FANCI: variants seen among roughly 807,000 people sequenced by gnomAD.
FANCI encodes Fanconi anemia group I protein.
A neutral mutation model predicts 176.1 loss-of-function variants in FANCI; 156 were observed. The ratio of observed to expected loss-of-function variants is 0.89; its 90% CI spans 0.78 to 1.01. The LOEUF (loss-of-function observed/expected upper bound fraction) is 1.01. Among genes scored for constraint, FANCI ranks in the 50% least tolerant of loss-of-function variants. The pLI is 0.00. For synonymous variants in FANCI, 613 were observed against 541.7 expected, an observed-to-expected ratio of 1.13 and a Z score of -1.83; for missense variants, 1,678 against 1,534.1, an observed-to-expected ratio of 1.09 and a Z score of -1.57.
intron 9 of FANCI, among the ~76,000 whole-genome samples, chr15:89,265,211 T>C (rs1255157925): frequency 2.0e-5 from 3 of 152,080 alleles, no homozygotes; most frequent in Non-Finnish European, 1.5e-5. Flanking sequence ...TTTTGTTTCA[T>C]TTTGTTTTGT....
chr15:89,287,807 C>T (rs78552480), intron 18 of FANCI, among the ~76,000 whole-genome samples: 1 of 152,088 alleles, frequency 6.6e-6, no homozygotes, highest in Non-Finnish European at 1.5e-5. Context: ...GATGATGGCC[C>T]AGTCAGTGGA....
intron 2 of FANCI, among the ~76,000 whole-genome samples, chr15:89,250,712 TAA>T (rs2052208582): frequency 6.7e-6 from 1 of 149,474 alleles, no homozygotes; most frequent in African/African-American, 2.4e-5. Flanking sequence ...TATATATATA[TAA>T]AAATAAAAAA....
chr15:89,258,662 A>G (rs1412487441), intron 2 of FANCI, 42 bp from the exon 3 acceptor site: 3 of 1,480,926 alleles, frequency 2.0e-6, no homozygotes, highest in Non-Finnish European at 1.9e-6. Flanking sequence ...ATTGGGGTAA[A>G]AGACTGTTGC....
At chr15:89,300,719 A>T (rs2238304) in intron 26 of FANCI, among the ~76,000 whole-genome samples, 85,562 of 152,064 alleles carry the variant, frequency 0.56, 25,892 homozygotes, top group African/African-American at 0.81. Flanking sequence ...TCTGACAGAC[A>T]ACGTAAACAC....
chr15:89,283,343 G>A, intron 17 of FANCI, 93 bp downstream of exon 17: 1 of 1,577,854 alleles, frequency 6.3e-7, no homozygotes, highest in Non-Finnish European at 8.6e-7. Context: ...TGTTATGGTT[G>A]TAAGAATGAT....
chr15:89,261,977 C>A, intron 6 of FANCI, 99 bp downstream of exon 6: 1 of 1,054,758 alleles, frequency 9.5e-7, no homozygotes, highest in Non-Finnish European at 1.4e-6. Flanking sequence ...TTAAGTCCTT[C>A]TTTTTTGTTG....
Position 89,263,977 on chromosome 15 carries a change from T to A in FANCI, c.620T>A (p.Leu207His), listed in dbSNP as rs765227166. The A allele has an allele frequency of 6.2e-7, 1 of 1,614,080 alleles. No individual in the cohort carries two copies. The highest frequency in any genetic ancestry group is 1.7e-5 in the Admixed American group (1 of 60,020). Reference sequence around the variant, plus strand: ...TTGAGCATGTTCTCCAAGATGAATCTTCAAGAAATACCACCTTTGGTCTAT... The same window carrying A: ...TTGAGCATGTTCTCCAAGATGAATCATCAAGAAATACCACCTTTGGTCTAT... ...KALSMFSKMN[L>H]QEIPPLVYQL... The change falls in exon 8 of 38, where the codon CTT (leucine) becomes CAT (histidine). Residue 207 changes from leucine to histidine, a missense_variant. Leu to His is a moderately conservative substitution (Grantham distance 99). Transcript: ENST00000310775.
At chr15:89,279,740 A>C (rs2053544005) in intron 14 of FANCI, among the ~76,000 whole-genome samples, 2 of 152,018 alleles carry the variant, frequency 1.3e-5, no homozygotes, top group South Asian at 4.1e-4. Flanking sequence ...GGCTGGAATT[A>C]CCTTTTATTT....
In FANCI at chr15:89,263,800, A is replaced by T. The variant is rs1029781353; in HGVS notation, c.546-103A>T. 10 of 1,358,200 alleles carry T rather than the reference A, an allele frequency of 7.4e-6. No homozygotes were observed. The Admixed American group carries it at 1.1e-4, about 15-fold the overall frequency. The allele number at this position is 1,358,200 out of a possible 1,614,324, so 84.1% of individuals were successfully genotyped here. A position where few individuals can be genotyped will look rare whatever the true frequency, so the allele number is the denominator to read the frequency against. On this transcript the variant is annotated intron_variant, in intron 7 of 37. Transcript: ENST00000310775. ...TCTGCTCCCAAGTTTCATTTCTTAA[A>T]ATATGTTTAATGGAATTTTAACCAC...
chr15:89,245,828 TCA>T (rs2051941821), intron 1 of FANCI: 1 of 152,226 alleles, frequency 6.6e-6, no homozygotes, highest in Non-Finnish European at 1.5e-5. Context: ...GGAAGATAAG[TCA>T]CATAATCAGG....
chr15:89,314,643 C>G lies in FANCI; in HGVS notation c.3752C>G (p.Pro1251Arg). 1 of 1,614,150 alleles carries G rather than the reference C, an allele frequency of 6.2e-7. No individual in the cohort carries two copies. Among genetic ancestry groups the G allele is most frequent in the Non-Finnish European group, 8.5e-7 (1 of 1,180,002 alleles). Residue 1251 changes from proline to arginine, a missense_variant, in exon 36 of 38, where the codon CCT (proline) becomes CGT (arginine). By Grantham distance (103) the Pro-to-Arg change is moderately radical. Transcript: ENST00000310775. ...ARVLRETKPI[P>R]NLIFAIEQYE... ...GTTCTTCGGGAAACCAAGCCAATCC[C>G]TAACCTCATCTTTGCCATAGAACAG...
chr15:89,315,311 C>T lies in FANCI; in HGVS notation c.3846C>T (p.Ser1282=), dbSNP rs34557339. The T allele has an allele frequency of 2.0e-3, 3,300 of 1,613,740 alleles. 53 individuals carry two copies. The African/African-American group carries it at 0.039, about 19-fold the overall frequency. ...ACCTGATGCAGCACATGAAGCTCAG[C>T]ACCTCACGAGACTTCAAGATCAAAG... The part of the protein sequence containing the change: ...KVNLMQHMKL[S]TSRDFKIKGN... Residue 1282 remains serine, a synonymous_variant, in exon 37 of 38, where the codon AGC becomes AGT. Coordinates refer to ENST00000310775, the MANE Select transcript of FANCI (RefSeq NM_001113378.2).
intron 11 of FANCI, among the ~76,000 whole-genome samples, chr15:89,273,842 C>G (rs570031320): frequency 6.6e-6 from 1 of 152,290 alleles, no homozygotes; most frequent in African/African-American, 2.4e-5. Flanking sequence ...ATGAAATTTA[C>G]AATTTTTTTC....
chr15:89,276,929 TTAAA>T (rs763037749), intron 13 of FANCI, 38 bp downstream of exon 13: 4 of 1,609,502 alleles, frequency 2.5e-6, no homozygotes, highest in African/African-American at 2.7e-5. Flanking sequence ...CTAATTTTGT[TTAAA>T]TAATCCAAGT....
chr15:89,268,607 A>T, intron 10 of FANCI, 82 bp downstream of exon 10: 1 of 1,552,412 alleles, frequency 6.4e-7, no homozygotes, highest in South Asian at 1.1e-5. Context: ...CCAGTTAATG[A>T]CAGGAAATAA....
chr15:89,312,590 C>T (rs560638089), intron 34 of FANCI, among the ~76,000 whole-genome samples: 136 of 152,252 alleles, frequency 8.9e-4, no homozygotes, highest in African/African-American at 3.2e-3. Flanking sequence ...GAGGCTGAGG[C>T]CGGCAGATCA....
chr15:89,316,215 C>T lies in FANCI; in HGVS notation c.3925-182C>T, dbSNP rs1029703021. ...GAGGTGCCACTGTCTTATTACTCTA[C>T]ACTTTGGAGGACTCCTTCCTCTTCT... On this transcript the variant is annotated intron_variant, in intron 37 of 37. Transcript: ENST00000310775. 9.1e-6 allele frequency: 6 copies of T among 656,796 alleles called. No homozygotes were observed. The African/African-American group carries it at 9.1e-5, about 10-fold the overall frequency. The allele number at this position is 656,796 out of a possible 1,614,324, so 40.7% of individuals were successfully genotyped here. A position where few individuals can be genotyped will look rare whatever the true frequency, so the allele number is the denominator to read the frequency against.
intron 2 of FANCI, among the ~76,000 whole-genome samples, chr15:89,254,348 A>C (rs1596225664): frequency 6.6e-6 from 1 of 152,210 alleles, no homozygotes; most frequent in Admixed American, 6.5e-5. Context: ...GGATGGATAC[A>C]AGATGAACCT....
Position 89,292,668 on chromosome 15 carries a change from T to G in FANCI, c.1993-20T>G. The stretch of plus-strand genomic sequence containing the variant: ...CCATCAACACTCAAGAGTATTTAAT[T>G]TACTTATTTTCTCCTACAGGATTAT... On this transcript the variant is annotated intron_variant, in intron 20 of 37. Coordinates refer to ENST00000310775, the MANE Select transcript of FANCI (RefSeq NM_001113378.2). The G allele has an allele frequency of 6.2e-7, 1 of 1,611,362 alleles. No homozygotes were observed. Among genetic ancestry groups the G allele is most frequent in the Non-Finnish European group, 8.5e-7 (1 of 1,179,266 alleles).
Sources: allele counts gnomAD v4.1 joint callset (sites outside exome capture counted in the v4.1 genomes callset), GRCh38; gene constraint gnomAD v4.1.1; transcripts MANE v1.5; gene names NCBI Gene and HGNC (gene_info 2026-07-23, HGNC 2026-07-21).